Variants in UNKL observed in about 807,000 individuals in gnomAD.
The protein encoded by UNKL is putative E3 ubiquitin-protein ligase UNKL.
UNKL carries 60 observed loss-of-function variants against 78.0 expected under a neutral mutation model. The ratio of observed to expected loss-of-function variants is 0.77; its 90% CI spans 0.63 to 0.95. The LOEUF (loss-of-function observed/expected upper bound fraction) is 0.95. Among genes scored for constraint, UNKL ranks in the 40% least tolerant of loss-of-function variants. The probability of loss-of-function intolerance (pLI) is 0.00; values close to 1 mark genes in which losing one functional copy is unlikely to be tolerated. For synonymous variants in UNKL, 608 were observed against 474.8 expected (o/e 1.28, Z -3.65); for missense variants, 1,159 against 1,045.7 (o/e 1.11, Z -1.49).
chr16:1,413,814 C>T, intron 2 of UNKL, 32 bp downstream of exon 2: 1 of 1,495,778 alleles, frequency 6.7e-7, no homozygotes, highest in Non-Finnish European at 9.0e-7. Flanking sequence ...CCACCTCCGC[C>T]CAGGCAGCGG....
chr16:1,374,907 A>T (rs1259626137), intron 10 of UNKL, among the ~76,000 whole-genome samples: 1 of 152,234 alleles, frequency 6.6e-6, no homozygotes, highest in Non-Finnish European at 1.5e-5. Context: ...GAAAGGCAGG[A>T]GGGTGACTTC....
chr16:1,401,337 A>C, intron 4 of UNKL: 1 of 437,674 alleles, frequency 2.3e-6, no homozygotes, highest in Non-Finnish European at 3.8e-6. Flanking sequence ...CTGAGATGCC[A>C]GTTGCCGCAG....
At chr16:1,366,732 G>C (rs943901710) in intron 14 of UNKL, among the ~76,000 whole-genome samples, 1 of 152,226 alleles carries the variant, frequency 6.6e-6, no homozygotes, top group Non-Finnish European at 1.5e-5. Flanking sequence ...GCGAGTCCAA[G>C]AGCCCACCCT....
At chr16:1,383,542 G>A (rs2036689611) in intron 10 of UNKL, 1 of 338,276 alleles carries the variant, frequency 3.0e-6, no homozygotes, top group African/African-American at 2.1e-5. Context: ...GACTGGTCTA[G>A]TGTCCTGCCG....
chr16:1,389,875 C>G (rs949613467), intron 9 of UNKL, among the ~76,000 whole-genome samples: 8 of 152,202 alleles, frequency 5.3e-5, no homozygotes, highest in Non-Finnish European at 1.2e-4. Context: ...GAGTGCTTGG[C>G]TCACTGCAAC....
intron 10 of UNKL, among the ~76,000 whole-genome samples, chr16:1,375,658 A>AG (rs975258604): frequency 5.3e-5 from 8 of 152,156 alleles, no homozygotes; most frequent in Admixed American, 2.0e-4. Context: ...CTAGAGTAAC[A>AG]GGTTGGGGGT....
chr16:1,368,029 C>T, intron 12 of UNKL, 171 bp from the exon 13 acceptor site: 3 of 635,002 alleles, frequency 4.7e-6, no homozygotes, highest in Admixed American at 5.9e-5. Context: ...CTGGACCCCA[C>T]CAGGCTCAGG....
chr16:1,397,021 A>G (rs1441204618), intron 6 of UNKL, 157 bp downstream of exon 6: 2 of 720,036 alleles, frequency 2.8e-6, no homozygotes, highest in Non-Finnish European at 4.6e-6. Context: ...GCAAGCAGGT[A>G]CAGCCCTCAT....
intron 12 of UNKL, among the ~76,000 whole-genome samples, chr16:1,368,494 C>T (rs1343677948): frequency 2.0e-5 from 3 of 146,870 alleles, no homozygotes; most frequent in Non-Finnish European, 1.5e-5. Context: ...CCCAGCTACT[C>T]GGGAGGCTGA....
Position 1,375,500 on chromosome 16 carries a change from G to A in UNKL, c.1265-3889C>T, listed in dbSNP as rs538999418. ...TGGCAACACTGTCCTTCCCCATCCC[G>A]TCACAGAGGCAGCAGGGCCCAGGGC... On this transcript the variant is annotated intron_variant, in intron 10 of 14. Coordinates refer to ENST00000389221, the MANE Select transcript of UNKL (RefSeq NM_001372107.1). Among the ~76,000 whole-genome samples the A allele has an allele frequency of 5.9e-5, 9 of 152,344 alleles. No individual in the cohort carries two copies. In the South Asian group the frequency reaches 6.2e-4, roughly 11 times the overall value.
chr16:1,382,829 G>A (rs1286766624), intron 10 of UNKL, among the ~76,000 whole-genome samples: 2 of 152,002 alleles, frequency 1.3e-5, no homozygotes, highest in Non-Finnish European at 2.9e-5. Context: ...GTGGTGGCAG[G>A]CGCCTATAGT....
rs2037398184 is a variant in UNKL at position 1,399,004 on chromosome 16, G to A, written c.734+370C>T. The A allele has an allele frequency of 1.4e-6, 2 of 1,466,370 alleles. No homozygotes were observed. The highest frequency in any genetic ancestry group is 1.8e-6 in the Non-Finnish European group (2 of 1,105,796). The allele number at this position is 1,466,370 out of a possible 1,614,324, so 90.8% of individuals were successfully genotyped here. A position where few individuals can be genotyped will look rare whatever the true frequency, so the allele number is the denominator to read the frequency against. On this transcript the variant is annotated intron_variant, in intron 5 of 14. Transcript: ENST00000389221. The surrounding 1 kb of genome is among the most constrained non-coding windows in gnomAD (Gnocchi z 5.8). The stretch of plus-strand genomic sequence containing the variant: ...CTGAGCCCCTGGCAGCTTGGGTGAG[G>A]AGACAGCATGCAGCCCACAGGCTGG...
Position 1,367,655 on chromosome 16 carries a change from C to T in UNKL, c.1788+1G>A. Reference sequence around the variant, plus strand: ...CCTGTCTGGCCCCCCCACACACTCACCTGCTTCACCTGCTGCCAGGACTCC... The same window carrying T: ...CCTGTCTGGCCCCCCCACACACTCATCTGCTTCACCTGCTGCCAGGACTCC... On this transcript the variant is annotated splice_donor_variant, in intron 13 of 14. Coordinates refer to ENST00000389221, the MANE Select transcript of UNKL (RefSeq NM_001372107.1). LOFTEE classifies it high-confidence loss of function. 1 of 1,559,518 alleles carries T rather than the reference C, an allele frequency of 6.4e-7. No individual in the cohort carries two copies. The highest frequency in any genetic ancestry group is 8.7e-7 in the Non-Finnish European group (1 of 1,153,120).
intron 2 of UNKL, among the ~76,000 whole-genome samples, chr16:1,406,259 C>T (rs1277453615): frequency 2.0e-5 from 3 of 151,058 alleles, no homozygotes; most frequent in Non-Finnish European, 4.4e-5. Context: ...GTTGCCCAGG[C>T]CGGAGTGCAG....
chr16:1,368,354 G>A (rs562782549), intron 12 of UNKL, among the ~76,000 whole-genome samples: 1 of 152,230 alleles, frequency 6.6e-6, no homozygotes, highest in African/African-American at 2.4e-5. Flanking sequence ...TGTAATCCCA[G>A]CACTTTGGGA....
In UNKL at chr16:1,413,820, AGCGGCGCCCCCTC is replaced by A. The variant is rs1353214511; in HGVS notation, c.287+13_287+25del. 12 of 1,498,824 alleles carry A rather than the reference AGCGGCGCCCCCTC, an allele frequency of 8.0e-6. No homozygotes were observed. Among genetic ancestry groups the A allele is most frequent in the Non-Finnish European group, 1.1e-5 (12 of 1,117,852 alleles). 92.8% of individuals were successfully genotyped at this position (1,498,824 alleles called of 1,614,324 possible). ...GGAGGCCCCCCACCTCCGCCCAGGC[AGCGGCGCCCCCTC>A]GCGGCCGCTTACTCGTCGCCGTCGG... On this transcript the variant is annotated intron_variant, in intron 2 of 14. Transcript: ENST00000389221.
At chr16:1,394,013 A>G in intron 7 of UNKL, 118 bp downstream of exon 7, 1 of 1,031,156 alleles carries the variant, frequency 9.7e-7, no homozygotes, top group South Asian at 1.5e-5. Flanking sequence ...CACGGTGCTG[A>G]GCTCCTGCCC....
chr16:1,412,721 C>T (rs1009273712), intron 2 of UNKL, among the ~76,000 whole-genome samples: 3 of 152,214 alleles, frequency 2.0e-5, no homozygotes, highest in African/African-American at 7.2e-5. Flanking sequence ...CGTGAATATT[C>T]TAACAAGCTC....
intron 5 of UNKL, chr16:1,398,711 G>C: frequency 8.9e-7 from 1 of 1,125,438 alleles, no homozygotes; most frequent in Non-Finnish European, 1.1e-6. Context: ...GGTGCAAACT[G>C]CAGACAGGAG....
Sources: gnomAD v4.1 joint callset for allele counts (sites outside exome capture counted in the v4.1 genomes callset) on GRCh38, gnomAD v4.1.1 for gene constraint, Gnocchi (gnomAD v3.1) non-coding constraint, MANE v1.5 for transcripts, NCBI Gene and HGNC (gene_info 2026-07-23, HGNC 2026-07-21) for gene names.